PLEKHG5: variants seen among roughly 807,000 people sequenced by gnomAD.
PLEKHG5 encodes the protein pleckstrin homology domain-containing family G member 5.
In PLEKHG5, 52 loss-of-function variants were observed where a neutral mutation model predicts 103.8. The observed-to-expected ratio is 0.50, with a 90% confidence interval of 0.40 to 0.63. PLEKHG5 has a LOEUF of 0.63. PLEKHG5 is among the 30% of genes least tolerant of loss of function. The probability of loss-of-function intolerance (pLI) is 0.00; values close to 1 mark genes in which losing one functional copy is unlikely to be tolerated. For missense variants in PLEKHG5, 1,205 were observed against 1,347.6 expected (o/e 0.89, Z 1.66); for synonymous variants, 592 against 575.5 (o/e 1.03, Z -0.41).
At chr1:6,471,985 G>A (rs1020367430) in intron 10 of PLEKHG5, among the ~76,000 whole-genome samples, 177 bp from the exon 11 acceptor site, 2 of 152,216 alleles carry the variant, frequency 1.3e-5, no homozygotes, top group East Asian at 1.9e-4. Flanking sequence ...TCCAGACCCT[G>A]AGGAAAGACC....
rs1375853108 is a variant in PLEKHG5, at chr1:6,486,578, A to G, written c.-88+5059T>C. 1.3e-5 allele frequency among the ~76,000 whole-genome samples: 2 copies of G among 152,140 alleles called. No individual in the cohort carries two copies. Among genetic ancestry groups the G allele is most frequent in the African/African-American group, 2.4e-5 (1 of 41,434 alleles). Reference sequence around the variant, plus strand: ...GCTGGGTGAGGTGGAGGCATCAGGAAACCCTGGCGACCCACATGGCACAGC... The same window carrying G: ...GCTGGGTGAGGTGGAGGCATCAGGAGACCCTGGCGACCCACATGGCACAGC... On this transcript the variant is annotated intron_variant, in intron 1 of 20. Coordinates refer to ENST00000377728, the MANE Select transcript of PLEKHG5 (RefSeq NM_020631.6). This position sits in a 1 kb window ranked among gnomAD's most constrained non-coding sequence, Gnocchi z 5.3.
intron 1 of PLEKHG5, 123 bp from the exon 2 acceptor site, chr1:6,477,781 G>GC (rs1569898629): frequency 9.1e-6 from 9 of 987,016 alleles, no homozygotes; most frequent in East Asian, 2.6e-5. Context: ...GTGAGGAGAC[G>GC]CCCCCCAGCA....
At chr1:6,473,577 G>T in intron 7 of PLEKHG5, 123 bp from the exon 8 acceptor site, 1 of 732,558 alleles carries the variant, frequency 1.4e-6, no homozygotes, top group Non-Finnish European at 2.2e-6. Context: ...TCTCTACCCT[G>T]GGGTGTCCCC....
rs1441655429 is a variant in PLEKHG5 at position 6,487,092 on chromosome 1, C to T, written c.-88+4545G>A. ...AGCCCAGGTCACCCACTGTCTACAC[C>T]ACAGGCAGAGTTGTGTTTTTGTTTT... On this transcript the variant is annotated intron_variant, in intron 1 of 20. Transcript: ENST00000377728. The surrounding 1 kb of genome is among the most constrained non-coding windows in gnomAD (Gnocchi z 4.1). 6.6e-6 allele frequency among the ~76,000 whole-genome samples: 1 copy of T among 152,198 alleles called. No homozygotes were observed. The highest frequency in any genetic ancestry group is 2.4e-5 in the African/African-American group (1 of 41,440).
chr1:6,501,785 C>T lies in PLEKHG5; in HGVS notation c.-164-5216G>A, dbSNP rs866859069. On this transcript the variant is annotated intron_variant, in intron 1 of 21. Transcript: ENST00000377740. The surrounding 1 kb of genome is among the most constrained non-coding windows in gnomAD (Gnocchi z 4.3). ...CTGACACAATTAGCTGTCTGGAAAA[C>T]GTGAATTGGTCCCCCCATCATGACA... Among the ~76,000 whole-genome samples the T allele has an allele frequency of 1.3e-5, 2 of 152,210 alleles. No individual in the cohort carries two copies. Among genetic ancestry groups the T allele is most frequent in the Admixed American group, 6.5e-5 (1 of 15,284 alleles).
At chr1:6,496,837 T>C, upstream of PLEKHG5, 1 of 607,396 alleles carries the variant, frequency 1.6e-6, no homozygotes, top group South Asian at 2.4e-5. Context: ...TCTGTCCCTC[T>C]AGTCTGGGGG....
intron 19 of PLEKHG5, 26 bp from the exon 20 acceptor site, chr1:6,468,612 C>T: frequency 6.2e-7 from 1 of 1,612,662 alleles, no homozygotes; most frequent in Admixed American, 1.7e-5. Flanking sequence ...CAGAGTCAGC[C>T]CAGGCCATGA....
At chr1:6,509,449 G>A (rs1417008386) in intron 1 of PLEKHG5, among the ~76,000 whole-genome samples, 3 of 152,234 alleles carry the variant, frequency 2.0e-5, no homozygotes, top group Non-Finnish European at 4.4e-5. Context: ...GACCCAAGCA[G>A]GGTCCACCCC....
chr1:6,511,395 T>C lies in PLEKHG5; in HGVS notation c.-165+8050A>G, dbSNP rs144013179. 6.0e-3 allele frequency among the ~76,000 whole-genome samples: 918 copies of C among 152,264 alleles called. 4 individuals carry two copies. The highest frequency in any genetic ancestry group is 0.01 in the African/African-American group (432 of 41,560). ...CCTCCAGCCTGGGTTTCCTCCTCTG[T>C]AAAATGGAGACAATCCTAAGCCCCG... is the stretch of plus-strand genomic sequence containing the variant. On this transcript the variant is annotated intron_variant, in intron 1 of 21. Transcript: ENST00000377740.
intron 14 of PLEKHG5, 35 bp from the exon 15 acceptor site, chr1:6,470,678 C>T (rs1346557092): frequency 6.4e-7 from 1 of 1,554,662 alleles, no homozygotes; most frequent in Admixed American, 1.9e-5. Context: ...GGTCCAGGGT[C>T]ATGACGGAGC....
chr1:6,474,346 C>T (rs1644693556), intron 6 of PLEKHG5, 105 bp downstream of exon 6: 9 of 1,441,334 alleles, frequency 6.2e-6, no homozygotes, highest in Non-Finnish European at 7.7e-6. Context: ...GGTAATGAGG[C>T]TGCTCAGGCC....
upstream of PLEKHG5, among the ~76,000 whole-genome samples, chr1:6,498,139 A>G (rs1216254952): frequency 6.6e-6 from 1 of 152,210 alleles, no homozygotes; most frequent in Middle Eastern, 3.2e-3. Context: ...AGAGGTGGCC[A>G]AGAGTCTGCG....
chr1:6,511,080 CTG>C (rs1638457727), intron 1 of PLEKHG5, among the ~76,000 whole-genome samples: 1 of 151,504 alleles, frequency 6.6e-6, no homozygotes, highest in South Asian at 2.1e-4. Context: ...CCGAGTGAAA[CTG>C]TGTCAAAAAA....
chr1:6,476,788 T>G (rs1185823429), intron 2 of PLEKHG5, among the ~76,000 whole-genome samples: 2 of 152,198 alleles, frequency 1.3e-5, no homozygotes, highest in Non-Finnish European at 2.9e-5. Context: ...AGGGTCTTGC[T>G]CTGTCGCTCA....
Position 6,471,509 on chromosome 1 carries a change from G to A in PLEKHG5, c.1260C>T (p.Asp420=), listed in dbSNP as rs1553174252. The A allele has an allele frequency of 6.2e-7, 1 of 1,610,680 alleles. No homozygotes were observed. Among genetic ancestry groups the A allele is most frequent in the South Asian group, 1.1e-5 (1 of 90,870 alleles). The change falls in exon 12 of 21, where the codon GAC becomes GAT. Residue 420 remains aspartate (D), a synonymous_variant. Transcript: ENST00000377728. ...GTACCATCTTGAAGCCTTTGAGGAA[G>A]TCCCCGGGCTGTAGCAGCGCTCGCG... is the stretch of plus-strand genomic sequence containing the variant. ...RRTRALLQPG[D]FLKGFKMFGS...
Position 6,474,497 on chromosome 1 carries a change from G to A in PLEKHG5, c.393C>T (p.Leu131=), listed in dbSNP as rs767405030. Reference sequence around the variant, plus strand: ...CCCCGAACCTGTAGGCCTCGAAGGTGAGGGACAGGGGTGTGTTGGACTGGT... The same window carrying A: ...CCCCGAACCTGTAGGCCTCGAAGGTAAGGGACAGGGGTGTGTTGGACTGGT... The part of the protein sequence containing the change: ...YLDQSNTPLS[L]TFEAYRFGGH... The change falls in exon 6 of 21, where the codon CTC becomes CTT. Residue 131 remains leucine, a synonymous_variant. Coordinates refer to ENST00000377728, the MANE Select transcript of PLEKHG5 (RefSeq NM_020631.6). 6.2e-7 allele frequency: 1 copy of A among 1,613,872 alleles called. No homozygotes were observed. Among genetic ancestry groups the A allele is most frequent in the Non-Finnish European group, 8.5e-7 (1 of 1,180,002 alleles).
chr1:6,495,621 AGAAGGCCG>A (rs1645213470), upstream of PLEKHG5, among the ~76,000 whole-genome samples: 1 of 152,200 alleles, frequency 6.6e-6, no homozygotes, highest in Non-Finnish European at 1.5e-5. Context: ...GGACCATCTC[AGAAGGCCG>A]GAGGAGGAGT....
chr1:6,497,881 T>G (rs1196689397), upstream of PLEKHG5, among the ~76,000 whole-genome samples: 2 of 152,152 alleles, frequency 1.3e-5, no homozygotes, highest in Admixed American at 6.5e-5. This position sits in a 1 kb window ranked among gnomAD's most constrained non-coding sequence, Gnocchi z 6.1. Flanking sequence ...GACAGAGAAG[T>G]GCACCTGTCC....
chr1:6,497,367 G>GCGCCGGGGA (rs914053959), upstream of PLEKHG5: 17 of 1,101,408 alleles, frequency 1.5e-5, no homozygotes, highest in Admixed American at 1.4e-4. The surrounding 1 kb of genome is among the most constrained non-coding windows in gnomAD (Gnocchi z 6.1). Context: ...GCGGGCGGGG[G>GCGCCGGGGA]CGCCGGGGAC....
Sources: gnomAD v4.1 joint callset for allele counts (sites outside exome capture counted in the v4.1 genomes callset) on GRCh38, gnomAD v4.1.1 for gene constraint, Gnocchi (gnomAD v3.1) non-coding constraint, MANE v1.5 for transcripts, NCBI Gene and HGNC (gene_info 2026-07-23, HGNC 2026-07-21) for gene names.